Variants in CASK observed in about 807,000 individuals in gnomAD.
CASK encodes peripheral plasma membrane protein CASK.
In CASK, 4 loss-of-function variants were observed where a neutral mutation model predicts 82.9. The ratio of observed to expected loss-of-function variants is 0.05; its 90% CI spans 0.02 to 0.11. CASK has a LOEUF of 0.11. Ranked by LOEUF, CASK falls within the 10% of genes least tolerant of loss-of-function variation. CASK has a pLI of 1.00. For missense variants in CASK, 358 were observed against 720.9 expected (o/e 0.50, Z 5.76); for synonymous variants, 259 against 253.5 (o/e 1.02, Z -0.20).
At chrX:41,647,474 G>GGCTC (rs2066779074) in intron 8 of CASK, among the ~76,000 whole-genome samples, 1 of 111,663 alleles carries the variant, frequency 9.0e-6, no homozygotes. Context: ...GCCTATTGGG[G>GGCTC]GCTCCACTGT....
intron 10 of CASK, among the ~76,000 whole-genome samples, chrX:41,622,945 A>G (rs2066309820): frequency 9.4e-6 from 1 of 106,833 alleles, no homozygotes; most frequent in African/African-American, 3.5e-5. Flanking sequence ...CAGTGGTGCA[A>G]TCTCAGCTCA....
intron 5 of CASK, among the ~76,000 whole-genome samples, chrX:41,692,455 A>G (rs758620048): frequency 8.9e-6 from 1 of 112,521 alleles, no homozygotes; most frequent in African/African-American, 3.2e-5. Context: ...AGATCCTTAT[A>G]TTGCCTCCCA....
At chrX:41,747,662 C>T (rs2068714553) in intron 3 of CASK, among the ~76,000 whole-genome samples, 1 of 111,873 alleles carries the variant, frequency 8.9e-6, no homozygotes, top group Non-Finnish European at 1.9e-5. Context: ...AGGATAGTCT[C>T]GATCTCCTGA....
chrX:41,608,434 A>G (rs2147275522), intron 12 of CASK, among the ~76,000 whole-genome samples: 1 of 112,104 alleles, frequency 8.9e-6, no homozygotes, highest in African/African-American at 3.2e-5. Context: ...TGCTCTGTAG[A>G]ACACATTCTG....
chrX:41,776,791 A>G (rs1194046253), intron 3 of CASK, among the ~76,000 whole-genome samples: 1 of 112,599 alleles, frequency 8.9e-6, no homozygotes, highest in Non-Finnish European at 1.9e-5. Flanking sequence ...AAAGAGCTAA[A>G]TAAATGGGAA....
intron 8 of CASK, among the ~76,000 whole-genome samples, chrX:41,653,219 C>T (rs1389284262): frequency 9.0e-6 from 1 of 111,471 alleles, no homozygotes; most frequent in Non-Finnish European, 1.9e-5. Context: ...CTAGAACGGC[C>T]CTGGCTCACA....
intron 22 of CASK, among the ~76,000 whole-genome samples, chrX:41,538,216 T>C (rs1264666396): frequency 9.0e-6 from 1 of 111,621 alleles, no homozygotes; most frequent in Non-Finnish European, 1.9e-5. Context: ...GAGTTGCTTG[T>C]ATTCCAGAAA....
intron 2 of CASK, among the ~76,000 whole-genome samples, chrX:41,807,219 AAACAAC>A (rs745347279): frequency 9.0e-6 from 1 of 110,749 alleles, no homozygotes; most frequent in African/African-American, 3.3e-5. Flanking sequence ...TATCATTCTC[AAACAAC>A]AACAACAACA....
At chrX:41,523,090 C>G (rs1320810778) in intron 26 of CASK, 1 of 112,206 alleles carries the variant, frequency 8.9e-6, no homozygotes, top group African/African-American at 3.2e-5. Context: ...GATGATGATT[C>G]AAGAAAAATA....
intron 22 of CASK, among the ~76,000 whole-genome samples, chrX:41,537,435 G>A (rs915473874): frequency 1.8e-5 from 2 of 111,532 alleles, no homozygotes; most frequent in Non-Finnish European, 3.8e-5. Flanking sequence ...AAAACACAGA[G>A]GCATAGTCAT....
At chrX:41,857,471 A>G (rs775618277) in intron 1 of CASK, among the ~76,000 whole-genome samples, 10 of 111,781 alleles carry the variant, frequency 8.9e-5, no homozygotes, top group Non-Finnish European at 1.7e-4. Context: ...AAAACAAACA[A>G]AAAGAGCAAC....
chrX:41,732,710 G>T (rs1345645974), intron 5 of CASK, among the ~76,000 whole-genome samples: 1 of 110,468 alleles, frequency 9.1e-6, no homozygotes, highest in Non-Finnish European at 1.9e-5. Context: ...ACAGTAAAAG[G>T]ATTCACTTCT....
chrX:41,770,309 TACCTATCCATCCATCC>T (rs1415759824), intron 3 of CASK, among the ~76,000 whole-genome samples: 117 of 101,261 alleles, frequency 1.2e-3, no homozygotes, highest in African/African-American at 3.8e-3. Context: ...CCTACCTACC[TACCTATCCATCCATCC>T]ATCCATCCAT....
At position 41,662,512 on chromosome X, in the gene CASK, G is replaced by A. The variant is rs778910476; in HGVS notation, c.709-1951C>T. 2.3e-4 allele frequency among the ~76,000 whole-genome samples: 26 copies of A among 111,343 alleles called. No homozygotes were observed. The East Asian group carries it at 4.5e-3, about 19-fold the overall frequency. ...ACCATTAGGGTGATGAAATGTGGCC[G>A]GGTGCGGTGGCTCACAGCTGTAATT... On this transcript the variant is annotated intron_variant, in intron 7 of 26. Coordinates refer to ENST00000378163, the MANE Select transcript of CASK (RefSeq NM_001367721.1).
At chrX:41,641,067 C>A (rs1249412878) in intron 8 of CASK, among the ~76,000 whole-genome samples, 3 of 101,221 alleles carry the variant, frequency 3.0e-5, no homozygotes, top group Non-Finnish European at 6.0e-5. Flanking sequence ...CTCACTGCAA[C>A]CTCCACATTC....
At chrX:41,674,102 G>A (rs1374780323) in intron 5 of CASK, among the ~76,000 whole-genome samples, 1 of 110,528 alleles carries the variant, frequency 9.0e-6, no homozygotes, top group Non-Finnish European at 1.9e-5. Flanking sequence ...GGATTTTAAA[G>A]GCAGACAATG....
At chrX:41,551,509 T>C (rs1054681987) in intron 21 of CASK, among the ~76,000 whole-genome samples, 2 of 111,460 alleles carry the variant, frequency 1.8e-5, no homozygotes, top group African/African-American at 6.5e-5. Context: ...GGCACAGAAG[T>C]GTTCAGTAAT....
intron 1 of CASK, among the ~76,000 whole-genome samples, chrX:41,890,263 C>T (rs981509385): frequency 1.0e-4 from 11 of 108,312 alleles, no homozygotes; most frequent in African/African-American, 3.4e-4. Context: ...TTTTAAATTC[C>T]ACTCTATGCT....
rs575324555 is a variant in CASK, at chrX:41,856,795, CA to C, written c.60-3569del. Among the ~76,000 whole-genome samples the C allele has an allele frequency of 6.8e-3, 288 of 42,120 alleles. 4 individuals are homozygous for C. The highest frequency in any genetic ancestry group is 0.023 in the South Asian group (14 of 613). The allele number at this position is 42,120 out of a possible 115,157, so 36.6% of individuals were successfully genotyped here. On this transcript the variant is annotated intron_variant, in intron 1 of 26. Coordinates refer to ENST00000378163, the MANE Select transcript of CASK (RefSeq NM_001367721.1). The stretch of plus-strand genomic sequence containing the variant: ...TGGGTGACAGAGCAAGACTCCGTCT[CA>C]AAAAAAAAAAAAAAAAACCAAACTG...
Sources: gnomAD v4.1 joint callset for allele counts (sites outside exome capture counted in the v4.1 genomes callset) on GRCh38, gnomAD v4.1.1 for gene constraint, MANE v1.5 for transcripts, NCBI Gene and HGNC (gene_info 2026-07-23, HGNC 2026-07-21) for gene names.